SIPA1L2: variants seen among roughly 807,000 people sequenced by gnomAD.
The protein encoded by SIPA1L2 is signal-induced proliferation-associated 1-like protein 2.
A neutral mutation model predicts 163.9 loss-of-function variants in SIPA1L2; 56 were observed. The observed-to-expected ratio is 0.34, with a 90% CI of 0.28 to 0.43. SIPA1L2 has a LOEUF of 0.43. Among genes scored for constraint, SIPA1L2 ranks in the 20% least tolerant of loss-of-function variants. SIPA1L2 has a pLI of 1.00. For synonymous variants in SIPA1L2, 877 were observed against 865.7 expected, an observed-to-expected ratio of 1.01 and a Z score of -0.23; for missense variants, 1,974 against 2,193.5, an observed-to-expected ratio of 0.90 and a Z score of 2.00.
intron 2 of SIPA1L2, among the ~76,000 whole-genome samples, chr1:232,526,441 A>G (rs1460918802): frequency 6.6e-6 from 1 of 152,186 alleles, no homozygotes; most frequent in Non-Finnish European, 1.5e-5. Context: ...AAGCTGTTCC[A>G]CTTCAGATCA....
At chr1:232,580,362 A>G (rs1660309718) in intron 1 of SIPA1L2, among the ~76,000 whole-genome samples, 1 of 152,170 alleles carries the variant, frequency 6.6e-6, no homozygotes, top group African/African-American at 2.4e-5. Flanking sequence ...CTGTTTTATC[A>G]GCACGGTCTT....
rs188028771 is a variant in SIPA1L2, at chr1:232,417,419, T to C, written c.4631-1794A>G. 2.3e-3 allele frequency among the ~76,000 whole-genome samples: 354 copies of C among 152,282 alleles called. 3 individuals are homozygous for C. The highest frequency in any genetic ancestry group is 8.1e-3 in the African/African-American group (337 of 41,560). ...CCACCCTCCCTTCTCCACATGCTCT[T>C]CTTTGAAACAACACTGGTTCTTCCT... On this transcript the variant is annotated intron_variant, in intron 18 of 22. Coordinates refer to ENST00000674635, the MANE Select transcript of SIPA1L2 (RefSeq NM_020808.5).
Position 232,534,026 on chromosome 1 carries a change from G to GA in SIPA1L2, c.-269-18419dup, listed in dbSNP as rs201309367. ...ATCCCAATAAGGTTTTGTTGAAATAGAAAAAAAAACTATCCTAAAATTCAT... is the reference window on the plus strand; with the variant it reads ...ATCCCAATAAGGTTTTGTTGAAATAGAAAAAAAAAACTATCCTAAAATTCAT... On this transcript the variant is annotated intron_variant, in intron 2 of 22. Coordinates refer to ENST00000674635, the MANE Select transcript of SIPA1L2 (RefSeq NM_020808.5). Among the ~76,000 whole-genome samples, 1,061 of 149,376 alleles carry GA rather than the reference G, an allele frequency of 7.1e-3. 14 individuals are homozygous for GA. Among genetic ancestry groups the GA allele is most frequent in the African/African-American group, 0.025 (995 of 40,608 alleles).
chr1:232,514,104 A>G lies in SIPA1L2; in HGVS notation c.1236T>C (p.Phe412=). The part of the protein sequence containing the change: ...SNDLVLSCPY[F]RNETGGEGDR... ...CGCCTTCCCCTCCAGTCTCATTTCT[A>G]AAGTAAGGACAACTAAGGACGAGGT... The change falls in exon 3 of 23, where the codon TTT becomes TTC. Residue 412 remains phenylalanine, a synonymous_variant. Coordinates refer to ENST00000674635, the MANE Select transcript of SIPA1L2 (RefSeq NM_020808.5). 2 of 1,614,190 alleles carry G rather than the reference A, an allele frequency of 1.2e-6. No individual in the cohort carries two copies. Among genetic ancestry groups the G allele is most frequent in the Non-Finnish European group, 1.7e-6 (2 of 1,180,028 alleles).
At chr1:232,543,411 C>T (rs1657815310) in intron 2 of SIPA1L2, among the ~76,000 whole-genome samples, 1 of 152,202 alleles carries the variant, frequency 6.6e-6, no homozygotes, top group Non-Finnish European at 1.5e-5. Context: ...CCCCTTCCAC[C>T]TCCTCCACCT....
At chr1:232,455,730 A>G (rs994701466) in intron 10 of SIPA1L2, among the ~76,000 whole-genome samples, 56 of 151,896 alleles carry the variant, frequency 3.7e-4, no homozygotes, top group African/African-American at 1.1e-3. Flanking sequence ...AAAAAAAAAA[A>G]AGAGAAAATT....
intron 1 of SIPA1L2, among the ~76,000 whole-genome samples, chr1:232,580,361 CA>C (rs1381183580): frequency 6.6e-6 from 1 of 152,156 alleles, no homozygotes; most frequent in Non-Finnish European, 1.5e-5. Flanking sequence ...CCTGTTTTAT[CA>C]GCACGGTCTT....
Position 232,589,845 on chromosome 1 carries a change from T to C in SIPA1L2, c.-318-15623A>G, listed in dbSNP as rs186609459. 1.9e-4 allele frequency among the ~76,000 whole-genome samples: 29 copies of C among 152,056 alleles called. 1 individual carries two copies. The highest frequency in any genetic ancestry group is 1.8e-3 in the Admixed American group (27 of 15,278). ...TGGCATGCTTGAGGTATAAGAACTA[T>C]AAAAAAGAAAAAAGAATCTCCTTAT... is the stretch of plus-strand genomic sequence containing the variant. On this transcript the variant is annotated intron_variant, in intron 1 of 22. Transcript: ENST00000674635.
intron 19 of SIPA1L2, among the ~76,000 whole-genome samples, chr1:232,412,284 T>C (rs527483106): frequency 6.6e-6 from 1 of 152,310 alleles, no homozygotes; most frequent in Admixed American, 6.5e-5. Context: ...TTGGATTTTA[T>C]AGGGATCATG....
intron 8 of SIPA1L2, among the ~76,000 whole-genome samples, chr1:232,466,274 A>C (rs1664507613): frequency 6.6e-6 from 1 of 152,192 alleles, no homozygotes. Context: ...TTTTAAAGGA[A>C]ATGCTCACTT....
intron 2 of SIPA1L2, among the ~76,000 whole-genome samples, chr1:232,553,657 A>G (rs1381147091): frequency 6.6e-6 from 1 of 152,184 alleles, no homozygotes; most frequent in African/African-American, 2.4e-5. Context: ...ACTGTCTCCT[A>G]TATTTATACT....
At position 232,462,249 on chromosome 1, in the gene SIPA1L2, T is replaced by C. The variant is rs74966205; in HGVS notation, c.2821-1088A>G. 7,020 of 1,550,914 alleles carry C rather than the reference T, an allele frequency of 4.5e-3. 272 individuals are homozygous for C. In the African/African-American group the frequency reaches 0.082, roughly 18 times the overall value. On this transcript the variant is annotated intron_variant, in intron 9 of 22. Transcript: ENST00000674635. ...CATGGGCTCATTAAGTATCACCCGA[T>C]GACTATGACCTCACCTATCTGTGGG... is the stretch of plus-strand genomic sequence containing the variant.
At chr1:232,542,303 T>C (rs963061512) in intron 2 of SIPA1L2, among the ~76,000 whole-genome samples, 1 of 152,208 alleles carries the variant, frequency 6.6e-6, no homozygotes, top group Non-Finnish European at 1.5e-5. Flanking sequence ...CACAATCGCC[T>C]GCATCTATGC....
At chr1:232,475,785 A>AAGAAACAAAATAATCT in intron 7 of SIPA1L2, among the ~76,000 whole-genome samples, 1 of 152,360 alleles carries the variant, frequency 6.6e-6, no homozygotes, top group African/African-American at 2.4e-5. Flanking sequence ...TTTGCAAAGG[A>AAGAAACAAAATAATCT]AGAAACAAAA....
chr1:232,625,400 A>G (rs1316414709), intron 1 of SIPA1L2, among the ~76,000 whole-genome samples: 1 of 152,252 alleles, frequency 6.6e-6, no homozygotes, highest in Non-Finnish European at 1.5e-5. Context: ...AATTCTAAAA[A>G]GCATGATGGA....
intron 3 of SIPA1L2, among the ~76,000 whole-genome samples, chr1:232,508,750 G>A (rs1311085451): frequency 6.6e-6 from 1 of 152,150 alleles, no homozygotes; most frequent in Non-Finnish European, 1.5e-5. Flanking sequence ...GAAAGGAAGG[G>A]ACTTATTGGG....
chr1:232,603,144 T>G (rs983148114), intron 1 of SIPA1L2, among the ~76,000 whole-genome samples: 3 of 152,198 alleles, frequency 2.0e-5, no homozygotes, highest in Admixed American at 2.0e-4. Context: ...GGGCGTCCTA[T>G]GTTGACAGTG....
At chr1:232,575,857 G>T (rs762167065) in intron 1 of SIPA1L2, among the ~76,000 whole-genome samples, 4 of 152,310 alleles carry the variant, frequency 2.6e-5, no homozygotes, top group Admixed American at 6.5e-5. Context: ...AGGAAGCAAA[G>T]TCTCACACAA....
At chr1:232,438,351 G>A (rs555166568) in intron 15 of SIPA1L2, among the ~76,000 whole-genome samples, 1 of 152,328 alleles carries the variant, frequency 6.6e-6, no homozygotes, top group African/African-American at 2.4e-5. Flanking sequence ...GCAGAAAAAT[G>A]ACAGTGGTAG....
Sources: allele counts gnomAD v4.1 joint callset (sites outside exome capture counted in the v4.1 genomes callset), GRCh38; gene constraint gnomAD v4.1.1; transcripts MANE v1.5; gene names NCBI Gene and HGNC (gene_info 2026-07-23, HGNC 2026-07-21).